LHX8: variants seen among roughly 807,000 people sequenced by gnomAD.
LHX8 encodes LIM homeobox 8.
A neutral mutation model predicts 40.3 loss-of-function variants in LHX8; 12 were observed. The ratio of observed to expected loss-of-function variants is 0.30; its 90% CI spans 0.19 to 0.48. The LOEUF (loss-of-function observed/expected upper bound fraction) is 0.48, where lower values mean the gene tolerates loss of function less well. Among genes scored for constraint, LHX8 ranks in the 20% least tolerant of loss-of-function variants. LHX8 has a pLI of 0.99. For synonymous variants in LHX8, 179 were observed against 162.0 expected (o/e 1.10, Z -0.80); for missense variants, 344 against 433.7 (o/e 0.79, Z 1.84).
At chr1:75,177,868 A>G in the LHX8 span, among the ~76,000 whole-genome samples, 29 of 152,296 alleles carry the variant, frequency 1.9e-4, no homozygotes, top group African/African-American at 6.7e-4. Flanking sequence ...TAGTTTATTG[A>G]GAGTTTTTAG....
the LHX8 span, among the ~76,000 whole-genome samples, chr1:75,187,331 G>A: frequency 3.3e-5 from 5 of 152,250 alleles, no homozygotes; most frequent in East Asian, 9.7e-4. Context: ...AAAAAGTCCA[G>A]CATTTGGTTA....
chr1:75,176,236 G>T, the LHX8 span, among the ~76,000 whole-genome samples: 1 of 152,168 alleles, frequency 6.6e-6, no homozygotes, highest in African/African-American at 2.4e-5. Flanking sequence ...AGACCCTTGA[G>T]GAATCACCAC....
chr1:75,164,671 A>G (rs1446599236), downstream of LHX8, among the ~76,000 whole-genome samples: 1 of 151,576 alleles, frequency 6.6e-6, no homozygotes, highest in African/African-American at 2.4e-5. Context: ...ATTTTAAAAA[A>G]CTTTATTTAT....
chr1:75,142,903 A>G (rs1648355494), intron 4 of LHX8, among the ~76,000 whole-genome samples: 1 of 152,160 alleles, frequency 6.6e-6, no homozygotes, highest in South Asian at 2.1e-4. Flanking sequence ...AAAAGGTCTT[A>G]TTTTTATAAA....
At chr1:75,172,082 T>C in the LHX8 span, among the ~76,000 whole-genome samples, 1 of 152,186 alleles carries the variant, frequency 6.6e-6, no homozygotes, top group African/African-American at 2.4e-5. Context: ...ATCTTTCATC[T>C]CTTGAAGCAC....
downstream of LHX8, among the ~76,000 whole-genome samples, chr1:75,166,308 G>T (rs1349668974): frequency 6.6e-6 from 1 of 152,178 alleles, no homozygotes; most frequent in South Asian, 2.1e-4. Context: ...CTCCCTTCTT[G>T]ATCTTAAAGA....
chr1:75,136,629 C>A lies in LHX8; in HGVS notation c.15C>A (p.Cys5Ter). 6.5e-7 allele frequency: 1 copy of A among 1,549,832 alleles called. No individual in the cohort carries two copies. Among genetic ancestry groups the A allele is most frequent in the South Asian group, 1.2e-5 (1 of 84,054 alleles). Residue 5 changes from cysteine to a stop codon, truncating the protein, a stop_gained, in exon 2 of 9, where the codon TGC becomes TGA. Coordinates refer to ENST00000356261, the MANE Select transcript of LHX8 (RefSeq NM_001256114.2). LOFTEE classifies it high-confidence loss of function. MSEE[C>*]GRTTALAAGR... ...GTCAGGGGCTCATGTCAGAGGAGTG[C>A]GGGCGGACTACAGCCCTGGCGGCCG... is the stretch of plus-strand genomic sequence containing the variant.
chr1:75,171,285 A>G, the LHX8 span, among the ~76,000 whole-genome samples: 2 of 152,082 alleles, frequency 1.3e-5, no homozygotes, highest in African/African-American at 2.4e-5. Context: ...GAGTGAGTAC[A>G]CTTGGTAGCC....
the LHX8 span, among the ~76,000 whole-genome samples, chr1:75,184,091 A>T: frequency 6.6e-6 from 1 of 152,218 alleles, no homozygotes; most frequent in Non-Finnish European, 1.5e-5. Context: ...TCCTAAATAT[A>T]TATGTACCCA....
At chr1:75,162,271 G>A (rs540535602), downstream of LHX8, among the ~76,000 whole-genome samples, 41 of 150,056 alleles carry the variant, frequency 2.7e-4, no homozygotes, top group African/African-American at 7.6e-4. Context: ...TTTTTAAACC[G>A]GCTACTCTAT....
chr1:75,170,426 C>T, the LHX8 span, among the ~76,000 whole-genome samples: 19 of 152,272 alleles, frequency 1.2e-4, no homozygotes, highest in Non-Finnish European at 2.2e-4. Context: ...AAGCCAGCTT[C>T]CCTATAAACT....
chr1:75,190,128 C>T, the LHX8 span, among the ~76,000 whole-genome samples: 5 of 152,146 alleles, frequency 3.3e-5, no homozygotes, highest in Admixed American at 2.6e-4. Context: ...CTAACTCTGC[C>T]CTGGGGAAAA....
chr1:75,187,787 T>C, the LHX8 span, among the ~76,000 whole-genome samples: 1 of 152,068 alleles, frequency 6.6e-6, no homozygotes, highest in Non-Finnish European at 1.5e-5. Context: ...ACCTGAAGGA[T>C]ACTAAAGCCC....
chr1:75,189,708 T>C, the LHX8 span, among the ~76,000 whole-genome samples: 1 of 152,134 alleles, frequency 6.6e-6, no homozygotes, highest in African/African-American at 2.4e-5. Flanking sequence ...ATATAAAACA[T>C]ACTAACTGAC....
chr1:75,143,016 G>T, intron 4 of LHX8, 102 bp from the exon 5 acceptor site: 1 of 866,810 alleles, frequency 1.2e-6, no homozygotes. Context: ...AAATACTTAG[G>T]TTATTTCAAT....
chr1:75,176,350 T>A, the LHX8 span, among the ~76,000 whole-genome samples: 4 of 152,248 alleles, frequency 2.6e-5, no homozygotes, highest in African/African-American at 9.6e-5. Context: ...CCTGACTTTT[T>A]AATGATCACT....
chr1:75,175,009 C>T, the LHX8 span, among the ~76,000 whole-genome samples: 19 of 152,272 alleles, frequency 1.2e-4, no homozygotes, highest in South Asian at 2.1e-4. Context: ...ATCATTCTTA[C>T]GCTTTTGCGT....
intron 5 of LHX8, 62 bp from the exon 6 acceptor site, chr1:75,143,783 T>TA (rs1181322347): frequency 1.6e-5 from 20 of 1,227,050 alleles, no homozygotes; most frequent in Non-Finnish European, 2.3e-5. Flanking sequence ...AGAAACCTGT[T>TA]ATTGTAAGAT....
intron 1 of LHX8, among the ~76,000 whole-genome samples, chr1:75,135,235 C>A (rs1648086730): frequency 1.3e-5 from 2 of 152,342 alleles, no homozygotes; most frequent in Non-Finnish European, 2.9e-5. Context: ...ACTGGGGAAG[C>A]TGACAAGCTC....
Sources: gnomAD v4.1 joint callset for allele counts (sites outside exome capture counted in the v4.1 genomes callset) on GRCh38, gnomAD v4.1.1 for gene constraint, MANE v1.5 for transcripts, NCBI Gene and HGNC (gene_info 2026-07-23, HGNC 2026-07-21) for gene names.